ABHD2: variants seen among roughly 807,000 people sequenced by gnomAD.
The protein encoded by ABHD2 is monoacylglycerol lipase ABHD2.
ABHD2 carries 20 observed loss-of-function variants against 48.1 expected under a neutral mutation model. The observed-to-expected ratio is 0.42, with a 90% CI of 0.29 to 0.60. ABHD2 has a LOEUF of 0.60. Among genes scored for constraint, ABHD2 ranks in the 20% least tolerant of loss-of-function variants. ABHD2 has a pLI of 0.24. For missense variants in ABHD2, 405 were observed against 550.9 expected (o/e 0.74, Z 2.65); for synonymous variants, 209 against 214.2 (o/e 0.98, Z 0.21).
At chr15:89,156,946 T>C (rs1053249405) in intron 5 of ABHD2, among the ~76,000 whole-genome samples, 7 of 152,266 alleles carry the variant, frequency 4.6e-5, no homozygotes, top group African/African-American at 1.7e-4. Context: ...ACCATAACTA[T>C]AATTTTCTAT....
intron 5 of ABHD2, among the ~76,000 whole-genome samples, chr15:89,169,196 T>C (rs145704967): frequency 6.6e-6 from 1 of 152,196 alleles, no homozygotes; most frequent in East Asian, 1.9e-4. Context: ...CTAAGTAGAT[T>C]TGTGATATAA....
intron 3 of ABHD2, among the ~76,000 whole-genome samples, chr15:89,134,264 T>C (rs896872610): frequency 3.9e-5 from 6 of 152,272 alleles, no homozygotes; most frequent in African/African-American, 1.4e-4. Flanking sequence ...CTAGAATTTC[T>C]TCTAGCATAT....
At chr15:89,127,737 A>ATATATATATATATACATATATATATATG (rs1364955984) in intron 3 of ABHD2, among the ~76,000 whole-genome samples, 1 of 141,806 alleles carries the variant, frequency 7.1e-6, no homozygotes, top group African/African-American at 2.6e-5. Context: ...ATATATATAT[A>ATATATATATATATACATATATATATATG]TATGTATATT....
chr15:89,073,259 G>C, the ABHD2 span, among the ~76,000 whole-genome samples: 1 of 152,146 alleles, frequency 6.6e-6, no homozygotes, highest in Non-Finnish European at 1.5e-5. Flanking sequence ...CTAGGTGTGA[G>C]CTCAGACCTG....
At chr15:89,125,467 C>G (rs542722764) in intron 3 of ABHD2, among the ~76,000 whole-genome samples, 23 of 152,104 alleles carry the variant, frequency 1.5e-4, no homozygotes, top group Admixed American at 1.2e-3. Flanking sequence ...AAGGGCTAGC[C>G]TCAATAAGTC....
At chr15:89,193,742 G>C (rs1274542121) in intron 10 of ABHD2, among the ~76,000 whole-genome samples, 1 of 152,116 alleles carries the variant, frequency 6.6e-6, no homozygotes, top group Admixed American at 6.5e-5. Context: ...TTGAGGCCAG[G>C]AGTTCAACAG....
intron 1 of ABHD2, among the ~76,000 whole-genome samples, chr15:89,099,480 G>T (rs1334814926): frequency 1.3e-5 from 2 of 152,072 alleles, no homozygotes; most frequent in African/African-American, 2.4e-5. Context: ...AAGTGTGGTG[G>T]CACATACCTG....
rs1467578449 is a variant in ABHD2, at chr15:89,201,972, T to G, written c.*6549T>G. On this transcript the variant is annotated 3_prime_UTR_variant, in exon 11 of 11. Coordinates refer to ENST00000352732, the MANE Select transcript of ABHD2 (RefSeq NM_152924.5). ...AGATTGATTTTTAGAGCACCATCAC[T>G]TTCACATTCCTGATTCTGATTTTGT... 8.2e-6 allele frequency: 4 copies of G among 486,674 alleles called. No individual in the cohort carries two copies. The highest frequency in any genetic ancestry group is 1.5e-5 in the Non-Finnish European group (4 of 273,028). The allele number at this position is 486,674 out of a possible 1,614,324, so 30.1% of individuals were successfully genotyped here.
the ABHD2 span, among the ~76,000 whole-genome samples, chr15:89,065,943 A>G: frequency 6.6e-6 from 1 of 152,206 alleles, no homozygotes. Context: ...TACATACATT[A>G]TCTGAAGAGT....
At chr15:89,077,037 C>T in the ABHD2 span, among the ~76,000 whole-genome samples, 2 of 152,072 alleles carry the variant, frequency 1.3e-5, no homozygotes, top group Non-Finnish European at 2.9e-5. Flanking sequence ...CAGAAAAGTA[C>T]ATGAATCATA....
chr15:89,112,515 T>A (rs2049891419), intron 1 of ABHD2, among the ~76,000 whole-genome samples: 1 of 152,168 alleles, frequency 6.6e-6, no homozygotes, highest in Non-Finnish European at 1.5e-5. Context: ...CTATGACTAA[T>A]TTGTCTCAGA....
rs2050871039 is a variant in ABHD2, at chr15:89,168,522, C to G, written c.539-7290C>G. Among the ~76,000 whole-genome samples, 1 of 152,170 alleles carries G rather than the reference C, an allele frequency of 6.6e-6. No homozygotes were observed. Among genetic ancestry groups the G allele is most frequent in the South Asian group, 2.1e-4 (1 of 4,824 alleles). Reference sequence around the variant, plus strand: ...CTGGGCACCATGTCTTTGCCCTTCCCTTGCATGGGAGAGGTGGCATCTCTT... The same window carrying G: ...CTGGGCACCATGTCTTTGCCCTTCCGTTGCATGGGAGAGGTGGCATCTCTT... On this transcript the variant is annotated intron_variant, in intron 5 of 10. Coordinates refer to ENST00000352732, the MANE Select transcript of ABHD2 (RefSeq NM_152924.5). The surrounding 1 kb of genome is among the most constrained non-coding windows in gnomAD (Gnocchi z 4.8).
chr15:89,156,413 G>A lies in ABHD2; in HGVS notation c.538+879G>A, dbSNP rs147992281. Among the ~76,000 whole-genome samples the A allele has an allele frequency of 1.3e-4, 20 of 152,096 alleles. 1 individual carries two copies. Among genetic ancestry groups the A allele is most frequent in the South Asian group, 4.2e-4 (2 of 4,812 alleles). Reference sequence around the variant, plus strand: ...TGGGATTACAGGCATGAGCCACCGCGCCCCGCCTTTTTATTGTCTTTTTCA... The same window carrying A: ...TGGGATTACAGGCATGAGCCACCGCACCCCGCCTTTTTATTGTCTTTTTCA... On this transcript the variant is annotated intron_variant, in intron 5 of 10. Coordinates refer to ENST00000352732, the MANE Select transcript of ABHD2 (RefSeq NM_152924.5).
In ABHD2 at chr15:89,175,199, T is replaced by G. The variant is rs569354873; in HGVS notation, c.539-613T>G. ...GCCTAGGAAGCTAATCTCAAAGGAT[T>G]TTGCTCTTGCATTTATTTATTTATT... On this transcript the variant is annotated intron_variant, in intron 5 of 10. Transcript: ENST00000352732. This position sits in a 1 kb window ranked among gnomAD's most constrained non-coding sequence, Gnocchi z 5.7. 1.3e-5 allele frequency among the ~76,000 whole-genome samples: 2 copies of G among 152,208 alleles called. No individual in the cohort carries two copies. Among genetic ancestry groups the G allele is most frequent in the Non-Finnish European group, 2.9e-5 (2 of 68,034 alleles).
chr15:89,063,588 A>G, the ABHD2 span, among the ~76,000 whole-genome samples: 1 of 152,138 alleles, frequency 6.6e-6, no homozygotes, highest in Non-Finnish European at 1.5e-5. Context: ...AAACACAAAG[A>G]GAAAGGGGAG....
the ABHD2 span, among the ~76,000 whole-genome samples, chr15:89,062,689 G>C: frequency 6.6e-6 from 1 of 151,998 alleles, no homozygotes; most frequent in African/African-American, 2.4e-5. Context: ...CACCCAGTTG[G>C]AATTGATTTT....
At chr15:89,108,808 G>T (rs1414842106) in intron 1 of ABHD2, among the ~76,000 whole-genome samples, 2 of 152,226 alleles carry the variant, frequency 1.3e-5, no homozygotes, top group African/African-American at 4.8e-5. Context: ...GAATTTTACT[G>T]TGTAATCATC....
chr15:89,132,611 T>C (rs767403064), intron 3 of ABHD2, among the ~76,000 whole-genome samples: 1 of 152,252 alleles, frequency 6.6e-6, no homozygotes, highest in Non-Finnish European at 1.5e-5. Flanking sequence ...CTTATAGCTA[T>C]TTCAAATTGA....
intron 4 of ABHD2, among the ~76,000 whole-genome samples, chr15:89,154,895 A>T (rs2050646512): frequency 1.3e-5 from 2 of 152,248 alleles, no homozygotes; most frequent in Non-Finnish European, 2.9e-5. Flanking sequence ...CATCTGTCGG[A>T]TAAATAACTG....
Sources: gnomAD v4.1 joint callset for allele counts (sites outside exome capture counted in the v4.1 genomes callset) on GRCh38, gnomAD v4.1.1 for gene constraint, Gnocchi (gnomAD v3.1) non-coding constraint, MANE v1.5 for transcripts, NCBI Gene and HGNC (gene_info 2026-07-23, HGNC 2026-07-21) for gene names.